The following CALML4 variants were observed in gnomAD, a reference collection of about 807,000 sequenced individuals.
The protein encoded by CALML4 is calmodulin-like protein 4.
A neutral mutation model predicts 17.9 loss-of-function variants in CALML4; 16 were observed. The observed-to-expected ratio is 0.89, with a 90% CI of 0.61 to 1.36. CALML4 has a LOEUF of 1.36. Ranked by LOEUF, CALML4 falls within the 40% of genes most tolerant of loss-of-function variation. The pLI, the probability that CALML4 is intolerant of heterozygous loss-of-function variation, is 0.00. For synonymous variants in CALML4, 86 were observed against 71.5 expected (o/e 1.20, Z -1.02); for missense variants, 203 against 194.8 (o/e 1.04, Z -0.25).
intron 2 of CALML4, among the ~76,000 whole-genome samples, chr15:68,203,325 C>T (rs903449951): frequency 4.6e-5 from 7 of 152,202 alleles, no homozygotes; most frequent in East Asian, 1.9e-4. Context: ...TGAAGCTGCG[C>T]GCCAATGAGT....
intron 4 of CALML4, among the ~76,000 whole-genome samples, chr15:68,196,631 G>A (rs2093145770): frequency 6.6e-6 from 1 of 152,100 alleles, no homozygotes; most frequent in Non-Finnish European, 1.5e-5. Context: ...GCTGGCTGCT[G>A]CGAACATGGC....
At position 68,191,290 on chromosome 15, in the gene CALML4, G is replaced by T. The variant is rs775748100; in HGVS notation, c.*2725C>A. On this transcript the variant is annotated 3_prime_UTR_variant, in exon 5 of 5. Coordinates refer to ENST00000467889, the MANE Select transcript of CALML4 (RefSeq NM_033429.3). Reference sequence around the variant, plus strand: ...CTTTCTCTCTTAGAATTTCCATACCGCATGCCAAACCAGTAAAATGGCTTT... The same window carrying T: ...CTTTCTCTCTTAGAATTTCCATACCTCATGCCAAACCAGTAAAATGGCTTT... The T allele has an allele frequency of 6.6e-6, 1 of 152,484 alleles. No individual in the cohort carries two copies. Among genetic ancestry groups the T allele is most frequent in the African/African-American group, 2.4e-5 (1 of 41,404 alleles). The allele number at this position is 152,484 out of a possible 1,614,324, so 9.4% of individuals were successfully genotyped here.
chr15:68,197,611 C>A lies in CALML4; in HGVS notation c.193G>T (p.Asp65Tyr). The A allele has an allele frequency of 6.2e-7, 1 of 1,613,936 alleles. No homozygotes were observed. The highest frequency in any genetic ancestry group is 8.5e-7 in the Non-Finnish European group (1 of 1,179,958). The change falls in exon 4 of 5, where the codon GAT (aspartate) becomes TAT (tyrosine). Residue 65 changes from aspartate to tyrosine, a missense_variant. Transcript: ENST00000467889. This position sits in a 1 kb window ranked among gnomAD's most constrained non-coding sequence, Gnocchi z 4.1. ...ATAATGGTCAGAAAAGTGGAGAAAT[C>A]CAGCTCTCCATTTCCGTCTAGGAAA... ...THGIDGNGEL[D>Y]FSTFLTIMHM... is the part of the protein sequence containing the mutation.
rs2093177051 is a variant in CALML4 at position 68,204,941 on chromosome 15, T to C, written c.34+180A>G. Among the ~76,000 whole-genome samples, 1 of 152,092 alleles carries C rather than the reference T, an allele frequency of 6.6e-6. No individual in the cohort carries two copies. The highest frequency in any genetic ancestry group is 2.4e-5 in the African/African-American group (1 of 41,424). Reference sequence around the variant, plus strand: ...CAAGTATAAAGCCACATGTCTATTTTGGAGGCTTACCCCCAACCCCCACCC... The same window carrying C: ...CAAGTATAAAGCCACATGTCTATTTCGGAGGCTTACCCCCAACCCCCACCC... On this transcript the variant is annotated intron_variant, in intron 2 of 4. Transcript: ENST00000467889. The surrounding 1 kb of genome is among the most constrained non-coding windows in gnomAD (Gnocchi z 6.0).
Position 68,199,539 on chromosome 15 carries a change from A to C in CALML4, c.175+2T>G. 2 of 1,610,142 alleles carry C rather than the reference A, an allele frequency of 1.2e-6. No individual in the cohort carries two copies. Among genetic ancestry groups the C allele is most frequent in the East Asian group, 2.2e-5 (1 of 44,628 alleles). On this transcript the variant is annotated splice_donor_variant, in intron 3 of 4. Transcript: ENST00000467889. LOFTEE classifies it high-confidence loss of function. ...CTCCCCGTTGTTCCCACCACCACTC[A>C]CCTATCCCGTGGGTCTGCAGGTGCC...
chr15:68,198,881 GC>G (rs2093155386), intron 3 of CALML4, among the ~76,000 whole-genome samples: 2 of 152,228 alleles, frequency 1.3e-5, no homozygotes, highest in Admixed American at 1.3e-4. Flanking sequence ...TTAGGAGAAA[GC>G]TGGGCGCAGT....
chr15:68,205,451 G>A, upstream of CALML4: 2 of 1,587,634 alleles, frequency 1.3e-6, no homozygotes, highest in Non-Finnish European at 8.6e-7. This position sits in a 1 kb window ranked among gnomAD's most constrained non-coding sequence, Gnocchi z 4.8. Flanking sequence ...ACCTGGGCAG[G>A]TTGGATTTTT....
chr15:68,203,669 C>T (rs2093172778), intron 2 of CALML4, among the ~76,000 whole-genome samples: 1 of 152,198 alleles, frequency 6.6e-6, no homozygotes, highest in Admixed American at 6.5e-5. Flanking sequence ...CAGCATGTAA[C>T]TGACATTATT....
At chr15:68,201,088 G>C (rs1391389786) in intron 2 of CALML4, among the ~76,000 whole-genome samples, 1 of 152,166 alleles carries the variant, frequency 6.6e-6, no homozygotes, top group African/African-American at 2.4e-5. Context: ...AGGCCTCCCT[G>C]GTAGGATTTC....
chr15:68,203,801 C>T (rs1461979486), intron 2 of CALML4, among the ~76,000 whole-genome samples: 1 of 152,218 alleles, frequency 6.6e-6, no homozygotes, highest in East Asian at 1.9e-4. Flanking sequence ...CCTGTTCTTC[C>T]CACTTCGCTA....
chr15:68,199,644 C>T lies in CALML4; in HGVS notation c.72G>A (p.Gln24=). 6.2e-7 allele frequency: 1 copy of T among 1,613,586 alleles called. No individual in the cohort carries two copies. Among genetic ancestry groups the T allele is most frequent in the Non-Finnish European group, 8.5e-7 (1 of 1,179,940 alleles). Residue 24 remains glutamine (Q), a synonymous_variant, in exon 3 of 5, where the codon CAG becomes CAA. Coordinates refer to ENST00000467889, the MANE Select transcript of CALML4 (RefSeq NM_033429.3). ...KECFSLYDKQ[Q]RGKIKATDLM... is the part of the protein sequence containing the mutation. ...GGTCGGTGGCTTTTATCTTCCCCCT[C>T]TGCTGCTTGTCATACAGGGAGAAGC...
rs536668531 is a variant in CALML4, at chr15:68,200,899, T to C, written c.35-1218A>G. 5.3e-5 allele frequency among the ~76,000 whole-genome samples: 8 copies of C among 152,000 alleles called. No homozygotes were observed. The East Asian group carries it at 1.6e-3, about 29-fold the overall frequency. On this transcript the variant is annotated intron_variant, in intron 2 of 4. Coordinates refer to ENST00000467889, the MANE Select transcript of CALML4 (RefSeq NM_033429.3). This position sits in a 1 kb window ranked among gnomAD's most constrained non-coding sequence, Gnocchi z 4.3. ...CATATTCCCATGTGCGGACAGGACA[T>C]TGAGGGCTGGAACACTGAGAGCCTG...
intron 4 of CALML4, among the ~76,000 whole-genome samples, chr15:68,194,512 T>C (rs1469630050): frequency 2.0e-5 from 3 of 151,870 alleles, no homozygotes; most frequent in African/African-American, 4.8e-5. Flanking sequence ...GGCTCCTGAG[T>C]AGCTGAGCTT....
Position 68,201,773 on chromosome 15 carries a change from G to T in CALML4, c.35-2092C>A, listed in dbSNP as rs567275678. On this transcript the variant is annotated intron_variant, in intron 2 of 4. Coordinates refer to ENST00000467889, the MANE Select transcript of CALML4 (RefSeq NM_033429.3). ...TCAGACGCCTTTAAAGACCTGGAAG[G>T]CCACATCTGAACTTTGCATTCCTGC... Among the ~76,000 whole-genome samples the T allele has an allele frequency of 3.3e-5, 5 of 152,316 alleles. No homozygotes were observed. The South Asian group carries it at 8.3e-4, about 25-fold the overall frequency.
chr15:68,205,230 G>C lies in CALML4; in HGVS notation c.3+15C>G. 1.2e-6 allele frequency: 2 copies of C among 1,614,078 alleles called. No individual in the cohort carries two copies. The highest frequency in any genetic ancestry group is 1.7e-6 in the Non-Finnish European group (2 of 1,179,990). ...CCCCAGCCCTGGCCAGGCCGACACAGACCCTCACACTCACCATTCTGGGGC... is the reference window on the plus strand; with the variant it reads ...CCCCAGCCCTGGCCAGGCCGACACACACCCTCACACTCACCATTCTGGGGC... On this transcript the variant is annotated intron_variant, in intron 1 of 4. Transcript: ENST00000467889. This position sits in a 1 kb window ranked among gnomAD's most constrained non-coding sequence, Gnocchi z 4.8.
intron 2 of CALML4, among the ~76,000 whole-genome samples, chr15:68,202,201 C>T (rs2093167361): frequency 6.6e-6 from 1 of 152,224 alleles, no homozygotes; most frequent in African/African-American, 2.4e-5. Context: ...GGATGTTTAA[C>T]CACCAGCTCT....
In CALML4 at chr15:68,195,690, G is replaced by T. The variant is rs551244108; in HGVS notation, c.365-1578C>A. Among the ~76,000 whole-genome samples, 3 of 152,218 alleles carry T rather than the reference G, an allele frequency of 2.0e-5. No homozygotes were observed. The South Asian group carries it at 6.2e-4, about 32-fold the overall frequency. On this transcript the variant is annotated intron_variant, in intron 4 of 4. Coordinates refer to ENST00000467889, the MANE Select transcript of CALML4 (RefSeq NM_033429.3). Reference sequence around the variant, plus strand: ...CTTTTTAAACTGAAAATTGTCTTTCGATCACCCAGAAAAAGGATTCCTGCT... The same window carrying T: ...CTTTTTAAACTGAAAATTGTCTTTCTATCACCCAGAAAAAGGATTCCTGCT...
rs1221585056 is a variant in CALML4, at chr15:68,190,883, A to G, written c.*3132T>C. ...ATCTTTACTGAGGAAAGATTCACGT[A>G]AGCTCTGAAAAATCGGATTCTTTGG... On this transcript the variant is annotated 3_prime_UTR_variant, in exon 5 of 5. Transcript: ENST00000467889. The surrounding 1 kb of genome is among the most constrained non-coding windows in gnomAD (Gnocchi z 4.7). 1 of 152,222 alleles carries G rather than the reference A, an allele frequency of 6.6e-6. No individual in the cohort carries two copies. Among genetic ancestry groups the G allele is most frequent in the Non-Finnish European group, 1.5e-5 (1 of 68,034 alleles). The allele number at this position is 152,222 out of a possible 1,614,324, so 9.4% of individuals were successfully genotyped here. A position where few individuals can be genotyped will look rare whatever the true frequency, so the allele number is the denominator to read the frequency against.
Position 68,199,391 on chromosome 15 carries a change from C to A in CALML4, c.175+150G>T, listed in dbSNP as rs576177823. ...GATTCCAGGAAGCCCAAGTGAGGTA[C>A]GGCACTCCTGGTCTGGGGCTGCCAC... On this transcript the variant is annotated intron_variant, in intron 3 of 4. Transcript: ENST00000467889. The A allele has an allele frequency of 1.3e-5, 10 of 797,240 alleles. No individual in the cohort carries two copies. The African/African-American group carries it at 1.7e-4, about 14-fold the overall frequency. 49.4% of individuals were successfully genotyped at this position (797,240 alleles called of 1,614,324 possible).
Sources: gnomAD v4.1 joint callset for allele counts (sites outside exome capture counted in the v4.1 genomes callset) on GRCh38, gnomAD v4.1.1 for gene constraint, Gnocchi (gnomAD v3.1) non-coding constraint, MANE v1.5 for transcripts, NCBI Gene and HGNC (gene_info 2026-07-23, HGNC 2026-07-21) for gene names.